The following SSBP2 variants were observed in gnomAD, a reference collection of about 807,000 sequenced individuals.
SSBP2 encodes single-stranded DNA-binding protein 2.
A neutral mutation model predicts 61.8 loss-of-function variants in SSBP2; 17 were observed. The ratio of observed to expected loss-of-function variants is 0.28; its 90% CI spans 0.19 to 0.41. The LOEUF (loss-of-function observed/expected upper bound fraction) is 0.41, where lower values mean the gene tolerates loss of function less well. Ranked by LOEUF, SSBP2 falls within the 10% of genes least tolerant of loss-of-function variation. The pLI, the probability that SSBP2 is intolerant of heterozygous loss-of-function variation, is 1.00. For synonymous variants in SSBP2, 139 were observed against 141.3 expected, an observed-to-expected ratio of 0.98 and a Z score of 0.12; for missense variants, 310 against 458.7, an observed-to-expected ratio of 0.68 and a Z score of 2.96.
chr5:81,665,153 G>T (rs781331551), intron 1 of SSBP2, among the ~76,000 whole-genome samples: 3 of 152,194 alleles, frequency 2.0e-5, no homozygotes, highest in Non-Finnish European at 4.4e-5. Flanking sequence ...GCTTTGGGCA[G>T]TATGGCCATT....
chr5:81,451,766 T>A (rs753250643), intron 10 of SSBP2, among the ~76,000 whole-genome samples: 11 of 152,232 alleles, frequency 7.2e-5, no homozygotes, highest in Non-Finnish European at 1.5e-4. Context: ...TCATGATTCC[T>A]TCAAAGAGTT....
chr5:81,564,767 C>A (rs1038872924), intron 4 of SSBP2, among the ~76,000 whole-genome samples: 1 of 152,180 alleles, frequency 6.6e-6, no homozygotes, highest in East Asian at 1.9e-4. Flanking sequence ...CGCTAAAGAA[C>A]GGGTCAGATA....
Position 81,590,963 on chromosome 5 carries a change from C to A in SSBP2, c.282+24510G>T, listed in dbSNP as rs183886584. ...CACCCCTGAGACGCAGGGAAACAAT[C>A]CCTGCCTAAGACTGAGGCTGAATCA... On this transcript the variant is annotated intron_variant, in intron 4 of 16. Transcript: ENST00000320672. Among the ~76,000 whole-genome samples the A allele has an allele frequency of 1.1e-4, 16 of 152,294 alleles. No individual in the cohort carries two copies. The East Asian group carries it at 2.9e-3, about 28-fold the overall frequency.
chr5:81,597,136 T>A (rs1188938420), intron 4 of SSBP2, among the ~76,000 whole-genome samples: 3 of 152,086 alleles, frequency 2.0e-5, no homozygotes, highest in African/African-American at 7.2e-5. Context: ...ATATGCAGAA[T>A]CTACAACAAA....
chr5:81,598,776 C>T lies in SSBP2; in HGVS notation c.282+16697G>A, dbSNP rs546647042. On this transcript the variant is annotated intron_variant, in intron 4 of 16. Transcript: ENST00000320672. ...TCTGCCTGTTCATCCAGTCTTATCT[C>T]ACAGCATTCTCCCTCATACCTTTTG... Among the ~76,000 whole-genome samples the T allele has an allele frequency of 2.6e-4, 39 of 152,288 alleles. No individual in the cohort carries two copies. The South Asian group carries it at 7.5e-3, about 29-fold the overall frequency.
chr5:81,598,448 A>ACC (rs1744011662), intron 4 of SSBP2, among the ~76,000 whole-genome samples: 1 of 152,002 alleles, frequency 6.6e-6, no homozygotes, highest in African/African-American at 2.4e-5. Context: ...TCCCTACTAC[A>ACC]CCCTGTCTGA....
intron 4 of SSBP2, among the ~76,000 whole-genome samples, chr5:81,583,947 G>A (rs1051055660): frequency 4.6e-5 from 7 of 152,030 alleles, no homozygotes; most frequent in African/African-American, 1.7e-4. Flanking sequence ...TGCTATTATT[G>A]AATTTTTAAA....
chr5:81,545,495 T>C (rs2154122852), intron 4 of SSBP2, among the ~76,000 whole-genome samples: 1 of 152,330 alleles, frequency 6.6e-6, no homozygotes, highest in South Asian at 2.1e-4. Flanking sequence ...GTGAATAAAG[T>C]CTGAAACTAT....
At chr5:81,716,272 A>G (rs913818632) in intron 1 of SSBP2, among the ~76,000 whole-genome samples, 4 of 152,178 alleles carry the variant, frequency 2.6e-5, no homozygotes, top group African/African-American at 9.7e-5. Context: ...AGATAAGGGT[A>G]ATAGTAGCCA....
chr5:81,461,578 C>A (rs1326672301), intron 9 of SSBP2, among the ~76,000 whole-genome samples: 12 of 139,930 alleles, frequency 8.6e-5, no homozygotes, highest in Non-Finnish European at 1.6e-5. Context: ...TAAAAGGTAT[C>A]TAAAGTTGCC....
intron 15 of SSBP2, among the ~76,000 whole-genome samples, chr5:81,432,732 C>A (rs374721194): frequency 6.6e-6 from 1 of 152,076 alleles, no homozygotes; most frequent in Admixed American, 6.5e-5. Context: ...GGCGACAGAG[C>A]GAGACTCTGA....
intron 9 of SSBP2, among the ~76,000 whole-genome samples, chr5:81,466,358 A>G (rs1169395824): frequency 6.6e-6 from 1 of 152,046 alleles, no homozygotes; most frequent in African/African-American, 2.4e-5. Flanking sequence ...CCAATAAAAA[A>G]TTTAGTTTAC....
At chr5:81,558,993 C>T (rs1339730759) in intron 4 of SSBP2, among the ~76,000 whole-genome samples, 3 of 152,204 alleles carry the variant, frequency 2.0e-5, no homozygotes, top group Non-Finnish European at 2.9e-5. Flanking sequence ...CAGTGGCTCA[C>T]GCCTGTAATC....
chr5:81,435,511 T>C (rs1762619379), intron 15 of SSBP2, among the ~76,000 whole-genome samples: 1 of 152,168 alleles, frequency 6.6e-6, no homozygotes, highest in South Asian at 2.1e-4. Context: ...AAGAGAATGT[T>C]ATGAGGAGTG....
chr5:81,451,689 A>G (rs2153980828), intron 10 of SSBP2, among the ~76,000 whole-genome samples: 1 of 152,346 alleles, frequency 6.6e-6, no homozygotes, highest in East Asian at 1.9e-4. Flanking sequence ...GGCCTCCCAA[A>G]GTGTTGGGAT....
intron 1 of SSBP2, among the ~76,000 whole-genome samples, chr5:81,714,314 G>A (rs1273778462): frequency 6.6e-6 from 1 of 152,132 alleles, no homozygotes; most frequent in Non-Finnish European, 1.5e-5. Flanking sequence ...TCATTGATGG[G>A]CATTTGAGTT....
chr5:81,500,753 C>T (rs1415457535), intron 5 of SSBP2, among the ~76,000 whole-genome samples: 1 of 151,970 alleles, frequency 6.6e-6, no homozygotes, highest in Non-Finnish European at 1.5e-5. Context: ...GCCACTGTGC[C>T]CAGCCCAGAT....
chr5:81,732,086 G>C (rs977153625), intron 1 of SSBP2, among the ~76,000 whole-genome samples: 6 of 151,912 alleles, frequency 3.9e-5, no homozygotes, highest in African/African-American at 7.2e-5. Flanking sequence ...AGTAATCCTA[G>C]AAATGCTACA....
intron 5 of SSBP2, among the ~76,000 whole-genome samples, chr5:81,499,176 T>A (rs189225379): frequency 6.6e-6 from 1 of 152,322 alleles, no homozygotes; most frequent in African/African-American, 2.4e-5. Context: ...GTATGCAGTT[T>A]ATCTCCCATA....
Sources: gnomAD v4.1 joint callset for allele counts (sites outside exome capture counted in the v4.1 genomes callset) on GRCh38, gnomAD v4.1.1 for gene constraint, MANE v1.5 for transcripts, NCBI Gene and HGNC (gene_info 2026-07-23, HGNC 2026-07-21) for gene names.